GRIA1: variants seen among roughly 807,000 people sequenced by gnomAD.
GRIA1 encodes glutamate receptor 1.
Under a neutral mutation model 99.2 loss-of-function variants are expected in GRIA1, and 31 were observed. That is an observed-to-expected ratio of 0.31 (90% CI 0.23 to 0.42). GRIA1 has a LOEUF of 0.42. Among genes scored for constraint, GRIA1 ranks in the 10% least tolerant of loss-of-function variants. The pLI is 1.00. For missense variants in GRIA1, 782 were observed against 1,157.5 expected, an observed-to-expected ratio of 0.68 and a Z score of 4.71; for synonymous variants, 438 against 432.4, an observed-to-expected ratio of 1.01 and a Z score of -0.16.
intron 15 of GRIA1, among the ~76,000 whole-genome samples, chr5:153,803,251 C>T (rs1581683963): frequency 6.6e-6 from 1 of 152,298 alleles, no homozygotes; most frequent in East Asian, 1.9e-4. Context: ...TTCAACATCA[C>T]TGAAGGTATA....
intron 2 of GRIA1, among the ~76,000 whole-genome samples, chr5:153,600,358 C>G (rs1220233091): frequency 7.2e-6 from 1 of 138,882 alleles, no homozygotes; most frequent in Non-Finnish European, 1.5e-5. Context: ...CGCCGCTGCA[C>G]TCCAGCCTGG....
chr5:153,702,634 A>G (rs1240410817), intron 10 of GRIA1, among the ~76,000 whole-genome samples: 2 of 152,220 alleles, frequency 1.3e-5, no homozygotes, highest in African/African-American at 4.8e-5. Flanking sequence ...TTGGACCAAT[A>G]GCATTAGCAC....
chr5:153,750,114 T>G (rs1267851848), intron 11 of GRIA1, among the ~76,000 whole-genome samples: 2 of 152,136 alleles, frequency 1.3e-5, no homozygotes, highest in Non-Finnish European at 2.9e-5. Flanking sequence ...AATGGGATGA[T>G]TTGCCACTCA....
At chr5:153,758,815 C>A (rs34700229) in intron 11 of GRIA1, among the ~76,000 whole-genome samples, 13,034 of 151,816 alleles carry the variant, frequency 0.086, 771 homozygotes, top group Non-Finnish European at 0.12. Flanking sequence ...ACATAGAAAA[C>A]GAGTATATCA....
At chr5:153,566,873 C>G (rs941165108) in intron 2 of GRIA1, among the ~76,000 whole-genome samples, 3 of 151,642 alleles carry the variant, frequency 2.0e-5, no homozygotes, top group African/African-American at 7.3e-5. Flanking sequence ...TGCACCACCA[C>G]GCCCAGCTAA....
chr5:153,804,712 TATTAATTA>T (rs763404194), intron 15 of GRIA1, among the ~76,000 whole-genome samples: 5 of 103,776 alleles, frequency 4.8e-5, no homozygotes, highest in Non-Finnish European at 7.4e-5. Flanking sequence ...CTCTGATCCT[TATTAATTA>T]ATTAATTAAT....
At chr5:153,611,138 A>G (rs1427180153) in intron 2 of GRIA1, among the ~76,000 whole-genome samples, 4 of 152,224 alleles carry the variant, frequency 2.6e-5, no homozygotes, top group African/African-American at 7.2e-5. Flanking sequence ...GCTATATTTT[A>G]AAAAGCTTGC....
At chr5:153,563,266 C>G (rs12520252) in intron 2 of GRIA1, among the ~76,000 whole-genome samples, 19,971 of 151,788 alleles carry the variant, frequency 0.13, 1,478 homozygotes, top group South Asian at 0.24. Context: ...GTCACTGAGA[C>G]AGTATTTGGT....
At chr5:153,571,743 C>A (rs1416686902) in intron 2 of GRIA1, among the ~76,000 whole-genome samples, 3 of 151,942 alleles carry the variant, frequency 2.0e-5, no homozygotes. Flanking sequence ...TTAGAGAAAG[C>A]ATATTATTTT....
Position 153,677,122 on chromosome 5 carries a change from C to G in GRIA1, c.990C>G (p.Pro330=). 3 of 1,565,514 alleles carry G rather than the reference C, an allele frequency of 1.9e-6. No individual in the cohort carries two copies. The highest frequency in any genetic ancestry group is 2.6e-6 in the Non-Finnish European group (3 of 1,150,424). The change falls in exon 7 of 16, where the codon CCC becomes CCG. Residue 330 remains proline (P), a synonymous_variant. Coordinates refer to ENST00000285900, the MANE Select transcript of GRIA1 (RefSeq NM_000827.4). The part of the protein sequence containing the change: ...AGDCLANPAV[P]WGQGIDIQRA... ...ATTGTCTGGCTAACCCAGCTGTTCCCTGGGGCCAAGGGATCGACATCCAGA... is the reference window on the plus strand; with the variant it reads ...ATTGTCTGGCTAACCCAGCTGTTCCGTGGGGCCAAGGGATCGACATCCAGA...
At chr5:153,669,390 C>T (rs1463624057) in intron 5 of GRIA1, among the ~76,000 whole-genome samples, 4 of 152,046 alleles carry the variant, frequency 2.6e-5, no homozygotes, top group African/African-American at 7.2e-5. Context: ...CTTCTGAAGC[C>T]GTTTTCAGTG....
rs140843026 is a variant in GRIA1, at chr5:153,639,049, A to G, written c.221-7879A>G. Among the ~76,000 whole-genome samples, 848 of 152,306 alleles carry G rather than the reference A, an allele frequency of 5.6e-3. 10 individuals are homozygous for G. Among genetic ancestry groups the G allele is most frequent in the African/African-American group, 0.02 (824 of 41,562 alleles). On this transcript the variant is annotated intron_variant, in intron 2 of 15. Coordinates refer to ENST00000285900, the MANE Select transcript of GRIA1 (RefSeq NM_000827.4). The stretch of plus-strand genomic sequence containing the variant: ...GCCACGTCTGTGCTGGAACTCAGTG[A>G]ACTCACTGAGCATCCCATGTCTGTC...
intron 1 of GRIA1, among the ~76,000 whole-genome samples, chr5:153,493,425 A>C (rs1754108048): frequency 6.6e-6 from 1 of 152,366 alleles, no homozygotes; most frequent in South Asian, 2.1e-4. Context: ...CCATGTAAAC[A>C]GTTATAGTAG....
chr5:153,541,429 T>C (rs995945136), intron 2 of GRIA1, among the ~76,000 whole-genome samples: 16 of 152,224 alleles, frequency 1.1e-4, no homozygotes, highest in African/African-American at 3.9e-4. Context: ...CCCATTTCAT[T>C]CATGACTATA....
At position 153,537,837 on chromosome 5, in the gene GRIA1, G is replaced by T. The variant is rs976338611; in HGVS notation, c.220+43772G>T. Among the ~76,000 whole-genome samples the T allele has an allele frequency of 7.2e-5, 11 of 152,314 alleles. No homozygotes were observed. The East Asian group carries it at 2.1e-3, about 29-fold the overall frequency. ...AAAATCAATCAAAACATGAGATGTG[G>T]TTTTTTGTTTGTTTTTAATAACCAC... On this transcript the variant is annotated intron_variant, in intron 2 of 15. Transcript: ENST00000285900.
At chr5:153,625,925 AACAAGC>A (rs1405596052) in intron 2 of GRIA1, among the ~76,000 whole-genome samples, 1 of 152,176 alleles carries the variant, frequency 6.6e-6, no homozygotes, top group Non-Finnish European at 1.5e-5. Flanking sequence ...TCATGCCACA[AACAAGC>A]ACAAGCACAA....
rs1758245024 is a variant in GRIA1, at chr5:153,698,082, A to G, written c.1173A>G (p.Ala391=). 1 of 1,611,184 alleles carries G rather than the reference A, an allele frequency of 6.2e-7. No individual in the cohort carries two copies. Among genetic ancestry groups the G allele is most frequent in the Non-Finnish European group, 8.5e-7 (1 of 1,177,364 alleles). Residue 391 remains alanine (A), a synonymous_variant, in exon 9 of 16, where the codon GCA becomes GCG. Transcript: ENST00000285900. ...YWNEDDKFVP[A]ATDAQAGGDN... ...ATGAAGATGATAAGTTTGTCCCTGCAGCCACCGATGCCCAAGCTGGGGGCG... is the reference window on the plus strand; with the variant it reads ...ATGAAGATGATAAGTTTGTCCCTGCGGCCACCGATGCCCAAGCTGGGGGCG...
chr5:153,573,391 G>A (rs865915121), intron 2 of GRIA1: 14 of 152,194 alleles, frequency 9.2e-5, no homozygotes, highest in African/African-American at 3.1e-4. Flanking sequence ...TACTAGAATT[G>A]TTGGGATGAT....
chr5:153,651,643 C>G (rs1459107717), intron 4 of GRIA1, among the ~76,000 whole-genome samples: 1 of 152,138 alleles, frequency 6.6e-6, no homozygotes, highest in African/African-American at 2.4e-5. Flanking sequence ...GGTACTAGGA[C>G]AGCTATTACT....
Sources: allele counts gnomAD v4.1 joint callset (sites outside exome capture counted in the v4.1 genomes callset), GRCh38; gene constraint gnomAD v4.1.1; transcripts MANE v1.5; gene names NCBI Gene and HGNC (gene_info 2026-07-23, HGNC 2026-07-21).